The following SLC8A3 variants were observed in gnomAD, a reference collection of about 807,000 sequenced individuals.
SLC8A3 encodes the protein sodium/calcium exchanger 3.
SLC8A3 carries 37 observed loss-of-function variants against 65.4 expected under a neutral mutation model. The observed-to-expected ratio is 0.57, with a 90% CI of 0.44 to 0.74. SLC8A3 has a LOEUF of 0.74. Ranked by LOEUF, SLC8A3 falls within the 30% of genes least tolerant of loss-of-function variation. The pLI is 0.00. For missense variants in SLC8A3, 1,112 were observed against 1,172.1 expected, an observed-to-expected ratio of 0.95 and a Z score of 0.75; for synonymous variants, 461 against 444.5, an observed-to-expected ratio of 1.04 and a Z score of -0.47.
chr14:70,074,202 T>C (rs1890272277), intron 2 of SLC8A3, among the ~76,000 whole-genome samples: 1 of 152,230 alleles, frequency 6.6e-6, no homozygotes, highest in African/African-American at 2.4e-5. Context: ...TGTTAGCTAC[T>C]GTCCCCATTT....
At chr14:70,158,123 C>G (rs1371427371) in intron 2 of SLC8A3, among the ~76,000 whole-genome samples, 1 of 152,032 alleles carries the variant, frequency 6.6e-6, no homozygotes, top group African/African-American at 2.4e-5. Context: ...TCTGCAGCAC[C>G]TAGAGCACAA....
At chr14:70,075,042 G>C (rs1358113215) in intron 2 of SLC8A3, among the ~76,000 whole-genome samples, 1 of 152,126 alleles carries the variant, frequency 6.6e-6, no homozygotes, top group African/African-American at 2.4e-5. Context: ...TTTCTCTTTT[G>C]AGATTGTTAT....
At chr14:70,097,512 C>T (rs72729887) in intron 2 of SLC8A3, among the ~76,000 whole-genome samples, 8,861 of 152,208 alleles carry the variant, frequency 0.058, 266 homozygotes, top group African/African-American at 0.066. Flanking sequence ...AGCTGGAGGA[C>T]CTCAAATGAG....
Position 70,167,527 on chromosome 14 carries a change from C to G in SLC8A3, c.896G>C (p.Gly299Ala), listed in dbSNP as rs1407305813. ...GKMMNSHFLD[G>A]NLVPLEGKEV... is the part of the protein sequence containing the mutation. Reference sequence around the variant, plus strand: ...CTTCCCTTCCAGGGGCACCAGGTTCCCATCTAGAAAATGGGAATTCATCAT... The same window carrying G: ...CTTCCCTTCCAGGGGCACCAGGTTCGCATCTAGAAAATGGGAATTCATCAT... The change falls in exon 2 of 7, where the codon GGG (glycine) becomes GCG (alanine). Residue 299 changes from glycine to alanine, a missense_variant. By Grantham distance (60) the Gly-to-Ala change is moderately conservative (BLOSUM62 0). Transcript: ENST00000356921. The G allele has an allele frequency of 6.2e-7, 1 of 1,613,860 alleles. No homozygotes were observed. The highest frequency in any genetic ancestry group is 2.2e-5 in the East Asian group (1 of 44,892).
chr14:70,158,255 A>G (rs1486174972), intron 2 of SLC8A3, among the ~76,000 whole-genome samples: 1 of 152,234 alleles, frequency 6.6e-6, no homozygotes, highest in Non-Finnish European at 1.5e-5. Flanking sequence ...GAAGATCCGC[A>G]GCCAGGGCTC....
At chr14:70,117,189 T>C (rs958452246) in intron 2 of SLC8A3, among the ~76,000 whole-genome samples, 3 of 152,214 alleles carry the variant, frequency 2.0e-5, no homozygotes, top group African/African-American at 7.2e-5. Flanking sequence ...GGCTGCTGAG[T>C]GCCCCTCTTA....
At chr14:70,148,339 G>T (rs576648263) in intron 2 of SLC8A3, among the ~76,000 whole-genome samples, 1 of 152,266 alleles carries the variant, frequency 6.6e-6, no homozygotes, top group Non-Finnish European at 1.5e-5. Context: ...CCCCATCATA[G>T]GCTGAGCAGC....
At chr14:70,113,709 C>T (rs572764167) in intron 2 of SLC8A3, among the ~76,000 whole-genome samples, 4 of 152,146 alleles carry the variant, frequency 2.6e-5, no homozygotes, top group African/African-American at 9.7e-5. Flanking sequence ...AAATTGTTAA[C>T]ACTATAACCA....
At chr14:70,124,234 C>T (rs573540482) in intron 2 of SLC8A3, among the ~76,000 whole-genome samples, 94 of 152,290 alleles carry the variant, frequency 6.2e-4, no homozygotes, top group African/African-American at 2.1e-3. Context: ...ACAGGTTTCT[C>T]CCAGGGTGAA....
At chr14:70,115,762 A>G (rs891342924) in intron 2 of SLC8A3, among the ~76,000 whole-genome samples, 4 of 152,276 alleles carry the variant, frequency 2.6e-5, no homozygotes, top group Non-Finnish European at 5.9e-5. Flanking sequence ...TCACTGAGCA[A>G]TTCTGTCAAC....
At chr14:70,088,193 G>A (rs531880626) in intron 2 of SLC8A3, among the ~76,000 whole-genome samples, 101 of 152,330 alleles carry the variant, frequency 6.6e-4, no homozygotes, top group African/African-American at 2.3e-3. Context: ...AGGCCCATGT[G>A]GCCAGAGCAG....
chr14:70,175,822 C>T (rs577900071), intron 1 of SLC8A3, among the ~76,000 whole-genome samples: 15 of 151,794 alleles, frequency 9.9e-5, no homozygotes, highest in African/African-American at 3.4e-4. Flanking sequence ...GCAACCTCCG[C>T]CTCCCAGGAT....
intron 2 of SLC8A3, among the ~76,000 whole-genome samples, chr14:70,109,131 G>A (rs968291620): frequency 1.3e-5 from 2 of 150,722 alleles, no homozygotes; most frequent in Non-Finnish European, 3.0e-5. Context: ...TTTAAGGAGA[G>A]GGACTTTGTT....
intron 1 of SLC8A3, among the ~76,000 whole-genome samples, chr14:70,179,942 G>A (rs1594820291): frequency 6.6e-6 from 1 of 152,314 alleles, no homozygotes; most frequent in South Asian, 2.1e-4. Context: ...AATGCCAGAG[G>A]TCTCCTTTCA....
intron 1 of SLC8A3, among the ~76,000 whole-genome samples, chr14:70,185,627 G>C (rs879667816): frequency 2.0e-5 from 3 of 152,194 alleles, no homozygotes; most frequent in Non-Finnish European, 4.4e-5. Context: ...AGCAGGAACA[G>C]AGAAGGAAAG....
intron 2 of SLC8A3, among the ~76,000 whole-genome samples, chr14:70,092,605 A>C (rs1891880484): frequency 6.6e-6 from 1 of 152,106 alleles, no homozygotes; most frequent in Non-Finnish European, 1.5e-5. Context: ...CTTTTTACAT[A>C]GCCTATCTCT....
chr14:70,148,011 G>A (rs1435222492), intron 2 of SLC8A3, among the ~76,000 whole-genome samples: 1 of 152,184 alleles, frequency 6.6e-6, no homozygotes, highest in African/African-American at 2.4e-5. Flanking sequence ...GACAATTTTT[G>A]AAGTTTATGA....
intron 2 of SLC8A3, among the ~76,000 whole-genome samples, chr14:70,109,446 C>CGT (rs1400966868): frequency 1.2e-4 from 8 of 68,106 alleles, no homozygotes; most frequent in East Asian, 1.3e-3. Flanking sequence ...TGTATATGTA[C>CGT]GTGTGTGTAT....
At chr14:70,176,650 C>G (rs769046259) in intron 1 of SLC8A3, among the ~76,000 whole-genome samples, 3 of 152,222 alleles carry the variant, frequency 2.0e-5, no homozygotes, top group Non-Finnish European at 4.4e-5. Flanking sequence ...CATTTCTATG[C>G]GCTGGACAAA....
Sources: allele counts gnomAD v4.1 joint callset (sites outside exome capture counted in the v4.1 genomes callset), GRCh38; gene constraint gnomAD v4.1.1; transcripts MANE v1.5; gene names NCBI Gene and HGNC (gene_info 2026-07-23, HGNC 2026-07-21).